Variants in PDZRN4 observed in about 807,000 individuals in gnomAD.
PDZRN4 encodes the protein PDZ domain containing ring finger 4, also known as PDZ domain-containing RING finger protein 4.
PDZRN4 carries 70 observed loss-of-function variants against 99.0 expected under a neutral mutation model. That is an observed-to-expected ratio of 0.71 (90% CI 0.58 to 0.86). The LOEUF (loss-of-function observed/expected upper bound fraction) is 0.86. Ranked by LOEUF, PDZRN4 falls within the 40% of genes least tolerant of loss-of-function variation. The pLI is 0.00. For synonymous variants in PDZRN4, 551 were observed against 501.6 expected (o/e 1.10, Z -1.32); for missense variants, 1,474 against 1,331.2 (o/e 1.11, Z -1.67).
rs146362701 is a variant in PDZRN4, at chr12:41,425,923, A to G, written c.844-80533A>G. ...TGTGATTTCTCTTTTGATTTCCAGT[A>G]TCTCTAGACACCAAGTTCAACCTGT... is the stretch of plus-strand genomic sequence containing the variant. On this transcript the variant is annotated intron_variant, in intron 3 of 9. Coordinates refer to ENST00000402685, the MANE Select transcript of PDZRN4 (RefSeq NM_001164595.2). Among the ~76,000 whole-genome samples, 252 of 152,290 alleles carry G rather than the reference A, an allele frequency of 1.7e-3. 1 individual carries two copies. Among genetic ancestry groups the G allele is most frequent in the African/African-American group, 5.6e-3 (233 of 41,570 alleles).
chr12:41,470,896 CTT>C (rs1952983278), intron 3 of PDZRN4, among the ~76,000 whole-genome samples: 2 of 152,202 alleles, frequency 1.3e-5, no homozygotes, highest in African/African-American at 4.8e-5. Flanking sequence ...ACAGCATGAA[CTT>C]CTGGTAGAGA....
intron 3 of PDZRN4, among the ~76,000 whole-genome samples, chr12:41,419,405 G>A (rs10785265): frequency 0.58 from 88,879 of 151,954 alleles, 28,450 homozygotes; most frequent in African/African-American, 0.87. Context: ...AGACCCAAGT[G>A]CCCCTCAGAC....
chr12:41,316,621 A>G (rs1951639895), intron 3 of PDZRN4, among the ~76,000 whole-genome samples: 1 of 152,128 alleles, frequency 6.6e-6, no homozygotes, highest in African/African-American at 2.4e-5. Context: ...CATGGCATCA[A>G]TAGAAATGGT....
chr12:41,543,078 C>A (rs182828806), intron 5 of PDZRN4, among the ~76,000 whole-genome samples: 2 of 152,270 alleles, frequency 1.3e-5, no homozygotes, highest in South Asian at 2.1e-4. Flanking sequence ...TAATACATCC[C>A]TAAACCCTCT....
intron 3 of PDZRN4, among the ~76,000 whole-genome samples, chr12:41,391,004 T>C (rs1952207164): frequency 6.6e-6 from 1 of 152,200 alleles, no homozygotes; most frequent in South Asian, 2.1e-4. Context: ...TATCAGCCTA[T>C]GGCTGGACAT....
At chr12:41,377,691 T>A (rs1952092403) in intron 3 of PDZRN4, among the ~76,000 whole-genome samples, 1 of 152,138 alleles carries the variant, frequency 6.6e-6, no homozygotes, top group African/African-American at 2.4e-5. Flanking sequence ...GTTTTCAGTG[T>A]ACAGATTGTT....
At chr12:41,376,906 G>A (rs1952086233) in intron 3 of PDZRN4, among the ~76,000 whole-genome samples, 1 of 152,202 alleles carries the variant, frequency 6.6e-6, no homozygotes, top group African/African-American at 2.4e-5. Flanking sequence ...AATTTTGCGA[G>A]TTGTGTAAGA....
intron 3 of PDZRN4, among the ~76,000 whole-genome samples, chr12:41,385,396 C>T (rs1215583483): frequency 6.6e-6 from 1 of 151,934 alleles, no homozygotes; most frequent in East Asian, 1.9e-4. Flanking sequence ...GGCCAATGTT[C>T]TAGAACAGAA....
rs71081724 is a variant in PDZRN4 at position 41,322,487 on chromosome 12, CT to C, written c.843+128320del. ...ACTTTGGAAATTTAGATTTTCTTTC[CT>C]TTTTTTTTTTTTTTTTTTTTGAGAC... is the stretch of plus-strand genomic sequence containing the variant. On this transcript the variant is annotated intron_variant, in intron 3 of 9. Transcript: ENST00000402685. Among the ~76,000 whole-genome samples the C allele has an allele frequency of 4.8e-4, 44 of 91,224 alleles. No homozygotes were observed. The East Asian group carries it at 0.011, about 22-fold the overall frequency. The allele number at this position is 91,224 out of a possible 152,430, so 59.8% of individuals were successfully genotyped here.
chr12:41,409,712 C>G (rs1023195300), intron 3 of PDZRN4: 1 of 152,158 alleles, frequency 6.6e-6, no homozygotes, highest in Non-Finnish European at 1.5e-5. Flanking sequence ...TTAGGGCTGT[C>G]TCTGGGTGGC....
chr12:41,362,963 T>G (rs1462979451), intron 3 of PDZRN4, among the ~76,000 whole-genome samples: 1 of 152,130 alleles, frequency 6.6e-6, no homozygotes, highest in Non-Finnish European at 1.5e-5. Flanking sequence ...TGTTCTTTTA[T>G]TATAATTTTT....
intron 3 of PDZRN4, among the ~76,000 whole-genome samples, chr12:41,267,032 A>T (rs750592298): frequency 3.3e-5 from 5 of 152,180 alleles, no homozygotes; most frequent in Non-Finnish European, 7.3e-5. Context: ...TTCTTTGCTC[A>T]TGAAACTCTG....
chr12:41,486,893 C>G (rs1324583632), intron 3 of PDZRN4, among the ~76,000 whole-genome samples: 2 of 152,090 alleles, frequency 1.3e-5, no homozygotes, highest in African/African-American at 4.8e-5. Context: ...ACCCTTGGGC[C>G]TTTGCCATGG....
At chr12:41,394,581 A>T (rs1592041847) in intron 3 of PDZRN4, among the ~76,000 whole-genome samples, 1 of 152,266 alleles carries the variant, frequency 6.6e-6, no homozygotes, top group Middle Eastern at 3.4e-3. Flanking sequence ...AGATTGACCA[A>T]GCTATTGGCC....
intron 9 of PDZRN4, among the ~76,000 whole-genome samples, chr12:41,571,335 G>GTCTCTCTCTCTCTCTCTCTCTC (rs752003607): frequency 9.9e-6 from 1 of 101,278 alleles, no homozygotes; most frequent in East Asian, 3.6e-4. Context: ...AATTACCAGA[G>GTCTCTCTCTCTCTCTCTCTCTC]TCTCTCTCTC....
Position 41,573,423 on chromosome 12 carries a change from T to A in PDZRN4, c.2644T>A (p.Cys882Ser). 6.2e-7 allele frequency: 1 copy of A among 1,613,572 alleles called. No individual in the cohort carries two copies. Among genetic ancestry groups the A allele is most frequent in the Non-Finnish European group, 8.5e-7 (1 of 1,179,972 alleles). The change falls in exon 10 of 10, where the codon TGT (cysteine) becomes AGT (serine). Residue 882 changes from cysteine to serine, a missense_variant. Cys to Ser is a moderately radical substitution (Grantham distance 112). Coordinates refer to ENST00000402685, the MANE Select transcript of PDZRN4 (RefSeq NM_001164595.2). Reference sequence around the variant, plus strand: ...GAGCATGTGCAAGGAGTCTCAGAAGTGTTCAGAGCCCAAGATGGAATGGAA... The same window carrying A: ...GAGCATGTGCAAGGAGTCTCAGAAGAGTTCAGAGCCCAAGATGGAATGGAA... ...LVSMCKESQK[C>S]SEPKMEWKVK...
At chr12:41,269,436 C>T (rs1317312447) in intron 3 of PDZRN4, among the ~76,000 whole-genome samples, 1 of 152,088 alleles carries the variant, frequency 6.6e-6, no homozygotes, top group East Asian at 1.9e-4. Context: ...TTGATTCCAA[C>T]AGAACCTTGT....
In PDZRN4 at chr12:41,255,421, TG is replaced by T. The variant is rs1366533405; in HGVS notation, c.843+61234del. Among the ~76,000 whole-genome samples, 5 of 152,104 alleles carry T rather than the reference TG, an allele frequency of 3.3e-5. No individual in the cohort carries two copies. In the East Asian group the frequency reaches 7.7e-4, roughly 23 times the overall value. The stretch of plus-strand genomic sequence containing the variant: ...CCTTAACAGAAAGTTTTGTTTTTTT[TG>T]TTTTTTTTGTTTTGTTTTGTTTTGT... On this transcript the variant is annotated intron_variant, in intron 3 of 9. Transcript: ENST00000402685.
At chr12:41,529,401 T>C (rs1938623311) in intron 5 of PDZRN4, among the ~76,000 whole-genome samples, 1 of 152,234 alleles carries the variant, frequency 6.6e-6, no homozygotes, top group Non-Finnish European at 1.5e-5. Flanking sequence ...CACCAAATAG[T>C]ATTAGGAGAC....
Sources: allele counts gnomAD v4.1 joint callset (sites outside exome capture counted in the v4.1 genomes callset), GRCh38; gene constraint gnomAD v4.1.1; transcripts MANE v1.5; gene names NCBI Gene and HGNC (gene_info 2026-07-23, HGNC 2026-07-21).